The following CREBRF variants were observed in gnomAD, a reference collection of about 807,000 sequenced individuals.
CREBRF encodes the protein UPF0474 protein C5orf41.
In CREBRF, 5 loss-of-function variants were observed where a neutral mutation model predicts 66.1. That is an observed-to-expected ratio of 0.08 (90% CI 0.04 to 0.16). The LOEUF (loss-of-function observed/expected upper bound fraction) is 0.16, where lower values mean the gene tolerates loss of function less well. CREBRF is among the 10% of genes least tolerant of loss of function. CREBRF has a pLI of 1.00. For missense variants in CREBRF, 531 were observed against 744.9 expected (o/e 0.71, Z 3.34); for synonymous variants, 229 against 264.4 (o/e 0.87, Z 1.30).
At chr5:173,088,470 C>T (rs1167146629) in intron 3 of CREBRF, among the ~76,000 whole-genome samples, 1 of 77,960 alleles carries the variant, frequency 1.3e-5, no homozygotes, top group Non-Finnish European at 2.3e-5. Context: ...GCCTGGGCAA[C>T]AAGAGCAAGA....
rs1759589073 is a variant in CREBRF, at chr5:173,136,459, G to T, written c.*2714G>T. Reference sequence around the variant, plus strand: ...GCCATTTGCTGCTAAATCTGGGCTGGTCAGAATGCTGCAGCGATACTTGAT... The same window carrying T: ...GCCATTTGCTGCTAAATCTGGGCTGTTCAGAATGCTGCAGCGATACTTGAT... On this transcript the variant is annotated 3_prime_UTR_variant, in exon 9 of 9. Transcript: ENST00000296953. 6.6e-6 allele frequency: 1 copy of T among 152,404 alleles called. No individual in the cohort carries two copies. Among genetic ancestry groups the T allele is most frequent in the African/African-American group, 2.4e-5 (1 of 41,410 alleles). 9.4% of individuals were successfully genotyped at this position (152,404 alleles called of 1,614,324 possible).
At chr5:173,121,326 T>G (rs1247334485) in intron 7 of CREBRF, among the ~76,000 whole-genome samples, 2 of 146,426 alleles carry the variant, frequency 1.4e-5, no homozygotes, top group Non-Finnish European at 3.0e-5. Flanking sequence ...TGAGTTAACT[T>G]GCTTTTTTTT....
intron 7 of CREBRF, among the ~76,000 whole-genome samples, chr5:173,120,464 C>T (rs1334058423): frequency 6.6e-6 from 1 of 151,456 alleles, no homozygotes; most frequent in Non-Finnish European, 1.5e-5. Context: ...ACTGCAACCT[C>T]TGCCTCCCGG....
intron 4 of CREBRF, among the ~76,000 whole-genome samples, chr5:173,107,502 C>T (rs755643866): frequency 1.3e-5 from 2 of 152,138 alleles, no homozygotes; most frequent in African/African-American, 2.4e-5. Context: ...TAAACAGTGA[C>T]GTTAATACAA....
At chr5:173,085,352 T>C in intron 2 of CREBRF, 1 of 1,233,988 alleles carries the variant, frequency 8.1e-7, no homozygotes, top group Non-Finnish European at 1.2e-6. Flanking sequence ...AGCACACACC[T>C]GCGGCTCTTC....
At chr5:173,119,839 A>G (rs1759096816) in intron 7 of CREBRF, among the ~76,000 whole-genome samples, 1 of 152,116 alleles carries the variant, frequency 6.6e-6, no homozygotes, top group Admixed American at 6.6e-5. Context: ...TTTTGCATCT[A>G]TTGGAACAAT....
Position 173,090,988 on chromosome 5 carries a change from T to C in CREBRF, c.809T>C (p.Val270Ala), listed in dbSNP as rs374479155. 1.2e-5 allele frequency: 20 copies of C among 1,614,054 alleles called. No individual in the cohort carries two copies. Among genetic ancestry groups the C allele is most frequent in the Non-Finnish European group, 1.4e-5 (17 of 1,180,036 alleles). The part of the protein sequence containing the change: ...AKENTCYCGA[V>A]AKRQEKKGME... The stretch of plus-strand genomic sequence containing the variant: ...GAGAACACCTGCTACTGTGGTGCAG[T>C]GGCAAAGAGACAAGAGAAAAAAGGG... Residue 270 changes from valine (V) to alanine (A), a missense_variant, in exon 4 of 9, where the codon GTG (valine) becomes GCG (alanine). Coordinates refer to ENST00000296953, the MANE Select transcript of CREBRF (RefSeq NM_153607.3). This position sits in a 1 kb window ranked among gnomAD's most constrained non-coding sequence, Gnocchi z 4.5.
chr5:173,129,408 G>T (rs980547409), intron 8 of CREBRF, among the ~76,000 whole-genome samples: 5 of 152,048 alleles, frequency 3.3e-5, no homozygotes, highest in African/African-American at 9.7e-5. Flanking sequence ...GAGCCACCGC[G>T]CCCGGCCAGT....
intron 1 of CREBRF, among the ~76,000 whole-genome samples, chr5:173,061,603 C>T (rs1471949656): frequency 1.3e-5 from 2 of 152,202 alleles, no homozygotes; most frequent in African/African-American, 2.4e-5. Context: ...AGCTGTATAG[C>T]TGTTTCAAGA....
chr5:173,102,660 T>C (rs1038529974), intron 4 of CREBRF, among the ~76,000 whole-genome samples: 1 of 152,066 alleles, frequency 6.6e-6, no homozygotes, highest in Non-Finnish European at 1.5e-5. Flanking sequence ...GGCACCTGTA[T>C]CTGTGGGAGT....
intron 1 of CREBRF, among the ~76,000 whole-genome samples, chr5:173,079,314 G>C (rs976343180): frequency 6.6e-6 from 1 of 151,910 alleles, no homozygotes; most frequent in Non-Finnish European, 1.5e-5. Flanking sequence ...CAATGATTGA[G>C]TCCCTGGGTG....
At position 173,086,238 on chromosome 5, in the gene CREBRF, T is replaced by C. The variant is rs1758141530; in HGVS notation, c.10-263T>C. On this transcript the variant is annotated intron_variant, in intron 2 of 8. Coordinates refer to ENST00000296953, the MANE Select transcript of CREBRF (RefSeq NM_153607.3). ...AATAGTTTTGTATCCACTTTAAATA[T>C]TTCAAATCTGATGTTGACCTCAGCT... 8.2e-6 allele frequency: 6 copies of C among 730,730 alleles called. No homozygotes were observed. The Admixed American group carries it at 1.1e-4, about 14-fold the overall frequency. 45.3% of individuals were successfully genotyped at this position (730,730 alleles called of 1,614,324 possible). A position where few individuals can be genotyped will look rare whatever the true frequency, so the allele number is the denominator to read the frequency against.
chr5:173,117,411 T>C (rs1696487092), intron 7 of CREBRF, among the ~76,000 whole-genome samples: 4 of 151,234 alleles, frequency 2.6e-5, no homozygotes, highest in Admixed American at 2.6e-4. Flanking sequence ...AGTAAATAAA[T>C]AAACGTTCTT....
intron 4 of CREBRF, among the ~76,000 whole-genome samples, chr5:173,098,706 A>G (rs1329919001): frequency 6.6e-6 from 1 of 151,822 alleles, no homozygotes; most frequent in Admixed American, 6.6e-5. Flanking sequence ...GAAGTCCCCT[A>G]TATTACCGTC....
chr5:173,091,489 ATTTC>A (rs1758340052), intron 4 of CREBRF, 88 bp downstream of exon 4: 5 of 1,518,226 alleles, frequency 3.3e-6, no homozygotes, highest in East Asian at 2.3e-5. Flanking sequence ...TGTTTGGATA[ATTTC>A]TTTATTTTAG....
chr5:173,093,628 C>T (rs1414021061), intron 4 of CREBRF, among the ~76,000 whole-genome samples: 1 of 152,182 alleles, frequency 6.6e-6, no homozygotes, highest in Non-Finnish European at 1.5e-5. Flanking sequence ...GCCACCCTCC[C>T]ACCACAGCCT....
chr5:173,103,423 A>G (rs1758674328), intron 4 of CREBRF, among the ~76,000 whole-genome samples: 1 of 152,266 alleles, frequency 6.6e-6, no homozygotes, highest in South Asian at 2.1e-4. Flanking sequence ...GTGACTTTAA[A>G]GATGCAAAAG....
At position 173,086,495 on chromosome 5, in the gene CREBRF, T is replaced by TTGTAG. The variant is rs1205394408; in HGVS notation, c.10-5_10-1dup. ...ACTTTCTAAAATAAAAATCACTCTGTTGTAGCCTAGTGTAAGCGGAATGGA... is the reference window on the plus strand; with the variant it reads ...ACTTTCTAAAATAAAAATCACTCTGTTGTAGTGTAGCCTAGTGTAAGCGGAATGGA... On this transcript the variant is annotated splice_polypyrimidine_tract_variant and splice_region_variant and intron_variant, in intron 2 of 8. Transcript: ENST00000296953. 6.2e-7 allele frequency: 1 copy of TTGTAG among 1,613,336 alleles called. No homozygotes were observed. Among genetic ancestry groups the TTGTAG allele is most frequent in the Non-Finnish European group, 8.5e-7 (1 of 1,179,774 alleles).
intron 2 of CREBRF, among the ~76,000 whole-genome samples, chr5:173,082,992 T>C (rs894715702): frequency 2.1e-5 from 3 of 140,832 alleles, no homozygotes; most frequent in Non-Finnish European, 4.5e-5. Context: ...TTTGGGAGGC[T>C]GAGACAGGCT....
Sources: allele counts gnomAD v4.1 joint callset (sites outside exome capture counted in the v4.1 genomes callset), GRCh38; gene constraint gnomAD v4.1.1; non-coding constraint Gnocchi (gnomAD v3.1); transcripts MANE v1.5; gene names NCBI Gene and HGNC (gene_info 2026-07-23, HGNC 2026-07-21).